Variants in ABLIM1 observed in about 807,000 individuals in gnomAD.
ABLIM1 encodes the protein actin-binding LIM protein 1.
In ABLIM1, 40 loss-of-function variants were observed where a neutral mutation model predicts 107.0. The observed-to-expected ratio is 0.37, with a 90% CI of 0.29 to 0.49. ABLIM1 has a LOEUF of 0.49. Ranked by LOEUF, ABLIM1 falls within the 20% of genes least tolerant of loss-of-function variation. The pLI is 0.97. For synonymous variants in ABLIM1, 357 were observed against 357.3 expected (o/e 1.00, Z 0.01); for missense variants, 857 against 1,008.5 (o/e 0.85, Z 2.04).
At chr10:114,579,547 A>G (rs2073097985) in intron 2 of ABLIM1, among the ~76,000 whole-genome samples, 1 of 152,208 alleles carries the variant, frequency 6.6e-6, no homozygotes, top group Non-Finnish European at 1.5e-5. Flanking sequence ...TCATATACCC[A>G]CTTGTCAGTC....
rs144794130 is a variant in ABLIM1, at chr10:114,468,323, G to A, written c.1276-107C>T. On this transcript the variant is annotated intron_variant, in intron 10 of 22. Transcript: ENST00000533213. The stretch of plus-strand genomic sequence containing the variant: ...GGAGTCTCGCTCTGTCGCCCAGGCT[G>A]GAGTGCAGTGGCGCAATCTCGGTTT... The A allele has an allele frequency of 6.5e-3, 6,834 of 1,048,546 alleles. 307 individuals carry two copies. In the Admixed American group the frequency reaches 0.083, roughly 13 times the overall value. The allele number at this position is 1,048,546 out of a possible 1,614,324, so 65.0% of individuals were successfully genotyped here. A position where few individuals can be genotyped will look rare whatever the true frequency, so the allele number is the denominator to read the frequency against.
At chr10:114,717,996 A>G (rs535331187) in intron 1 of ABLIM1, among the ~76,000 whole-genome samples, 4 of 81,386 alleles carry the variant, frequency 4.9e-5, no homozygotes, top group African/African-American at 6.2e-5. Flanking sequence ...GAAAGAAAGG[A>G]AGGAAGGAAG....
At chr10:114,532,841 C>T (rs1462868681) in intron 6 of ABLIM1, among the ~76,000 whole-genome samples, 5 of 152,286 alleles carry the variant, frequency 3.3e-5, no homozygotes, top group African/African-American at 1.2e-4. Flanking sequence ...CCAGCAGAGG[C>T]ACAACCCAGA....
intron 1 of ABLIM1, among the ~76,000 whole-genome samples, 199 bp downstream of exon 1, chr10:114,657,758 A>C (rs1249861347): frequency 6.6e-6 from 1 of 152,212 alleles, no homozygotes. Context: ...TCCTGGACAA[A>C]AATATCCTTG....
At chr10:114,453,787 A>T (rs977856191) in intron 12 of ABLIM1, among the ~76,000 whole-genome samples, 1 of 151,950 alleles carries the variant, frequency 6.6e-6, no homozygotes, top group Non-Finnish European at 1.5e-5. Context: ...TGGAGGGGAG[A>T]TTGGGAGCGA....
intron 1 of ABLIM1, among the ~76,000 whole-genome samples, chr10:114,628,567 T>C (rs2077968642): frequency 6.6e-6 from 1 of 152,220 alleles, no homozygotes; most frequent in South Asian, 2.1e-4. Flanking sequence ...TGGGTCCCGC[T>C]CTATCCCAAA....
chr10:114,538,900 T>G (rs187812333), intron 6 of ABLIM1, among the ~76,000 whole-genome samples: 1 of 152,296 alleles, frequency 6.6e-6, no homozygotes, highest in East Asian at 1.9e-4. Context: ...CAAGAGAAAG[T>G]CAAGCCCACC....
chr10:114,620,147 T>G (rs911708568), intron 1 of ABLIM1, among the ~76,000 whole-genome samples: 1 of 152,202 alleles, frequency 6.6e-6, no homozygotes, highest in Admixed American at 6.5e-5. Flanking sequence ...CTTGAACCAC[T>G]GGAACATAAA....
chr10:114,578,785 C>CTTTTTTTTTTTT (rs35420465), intron 2 of ABLIM1, among the ~76,000 whole-genome samples: 1 of 111,720 alleles, frequency 9.0e-6, no homozygotes, highest in African/African-American at 3.6e-5. Context: ...TCTTTCTTTT[C>CTTTTTTTTTTTT]TTTTTTTTTT....
rs1274240240 is a variant in ABLIM1, at chr10:114,575,582, C to T, written c.397G>A (p.Ala133Thr). The change falls in exon 3 of 23, where the codon GCA becomes ACA. Residue 133 changes from alanine to threonine, a missense_variant. Ala to Thr is a moderately conservative substitution (Grantham distance 58). Coordinates refer to ENST00000533213, the MANE Select transcript of ABLIM1 (RefSeq NM_002313.7). ...TTCTTTATGAAGAAGCCCCCTTGTG[C>T]CAGGTCACAGCCACACACTGTAGAG... The part of the protein sequence containing the change: ...FTCKVCGCDL[A>T]QGGFFIKNGE... 9 of 1,613,682 alleles carry T rather than the reference C, an allele frequency of 5.6e-6. No individual in the cohort carries two copies. Among genetic ancestry groups the T allele is most frequent in the Non-Finnish European group, 6.8e-6 (8 of 1,179,754 alleles).
At chr10:114,638,713 A>G (rs2078599006) in intron 1 of ABLIM1, among the ~76,000 whole-genome samples, 1 of 151,992 alleles carries the variant, frequency 6.6e-6, no homozygotes. Flanking sequence ...ATCAACAGGC[A>G]TTTCTAAAAG....
intron 3 of ABLIM1, among the ~76,000 whole-genome samples, chr10:114,571,875 T>C (rs1052623306): frequency 6.6e-6 from 1 of 152,206 alleles, no homozygotes; most frequent in African/African-American, 2.4e-5. Flanking sequence ...GTGATGATTA[T>C]GCAGGATTAG....
chr10:114,448,206 A>C (rs1171760431), intron 14 of ABLIM1, among the ~76,000 whole-genome samples, 186 bp from the exon 15 acceptor site: 1 of 152,182 alleles, frequency 6.6e-6, no homozygotes, highest in East Asian at 1.9e-4. Context: ...CATTTTCCTT[A>C]CTTTACGTCA....
chr10:114,491,982 G>A, intron 6 of ABLIM1, 104 bp from the exon 7 acceptor site: 2 of 984,788 alleles, frequency 2.0e-6, no homozygotes, highest in Non-Finnish European at 3.0e-6. Flanking sequence ...TGCTGAAAAA[G>A]GAAAAATAAT....
intron 12 of ABLIM1, among the ~76,000 whole-genome samples, chr10:114,458,037 C>T (rs1234162816): frequency 6.6e-6 from 1 of 152,106 alleles, no homozygotes; most frequent in Non-Finnish European, 1.5e-5. Context: ...TGCACCACTG[C>T]ACTCCAGCTG....
the ABLIM1 span, among the ~76,000 whole-genome samples, chr10:114,787,541 G>GC: frequency 1.4e-5 from 2 of 145,400 alleles, no homozygotes; most frequent in African/African-American, 5.2e-5. Context: ...GTGGGGGTCA[G>GC]CCCCCCGCCC....
intron 4 of ABLIM1, among the ~76,000 whole-genome samples, chr10:114,551,996 C>A (rs2068119114): frequency 6.6e-6 from 1 of 152,134 alleles, no homozygotes; most frequent in Admixed American, 6.5e-5. Context: ...CAAATAAAGG[C>A]TAAGGTTAGG....
intron 1 of ABLIM1, among the ~76,000 whole-genome samples, chr10:114,607,684 C>T (rs1331406347): frequency 2.0e-5 from 3 of 152,170 alleles, no homozygotes; most frequent in Non-Finnish European, 4.4e-5. Flanking sequence ...CCTATGAAAT[C>T]ATGAGAAAAA....
intron 1 of ABLIM1, among the ~76,000 whole-genome samples, chr10:114,708,750 A>G (rs1479145994): frequency 6.6e-6 from 1 of 152,196 alleles, no homozygotes; most frequent in Non-Finnish European, 1.5e-5. Flanking sequence ...CTAGGTGATA[A>G]AATCTGGGGT....
Sources: allele counts gnomAD v4.1 joint callset (sites outside exome capture counted in the v4.1 genomes callset), GRCh38; gene constraint gnomAD v4.1.1; transcripts MANE v1.5; gene names NCBI Gene and HGNC (gene_info 2026-07-23, HGNC 2026-07-21).